The following TUSC3 variants were observed in gnomAD, a reference collection of about 807,000 sequenced individuals.
TUSC3 encodes tumor suppressor candidate 3, also known as dolichyl-diphosphooligosaccharide--protein glycosyltransferase subunit TUSC3.
In TUSC3, 45 loss-of-function variants were observed where a neutral mutation model predicts 44.8. The ratio of observed to expected loss-of-function variants is 1.00; its 90% CI spans 0.79 to 1.29. TUSC3 has a LOEUF of 1.29. Ranked by LOEUF, TUSC3 falls within the 50% of genes most tolerant of loss-of-function variation. The probability of loss-of-function intolerance (pLI) is 0.00; values close to 1 mark genes in which losing one functional copy is unlikely to be tolerated. For synonymous variants in TUSC3, 212 were observed against 152.9 expected (o/e 1.39, Z -2.85); for missense variants, 519 against 437.9 (o/e 1.19, Z -1.65).
chr8:15,434,530 C>CTTTTTTTTTTT (rs59579003), intron 1 of TUSC3, among the ~76,000 whole-genome samples: 3 of 135,682 alleles, frequency 2.2e-5, no homozygotes, highest in Non-Finnish European at 3.2e-5. Context: ...AAAGCCATTC[C>CTTTTTTTTTTT]TTTTTTTTTT....
intron 2 of TUSC3, among the ~76,000 whole-genome samples, chr8:15,512,002 T>C (rs1249733867): frequency 6.6e-6 from 1 of 152,120 alleles, no homozygotes; most frequent in African/African-American, 2.4e-5. Context: ...TGTTTAGAAA[T>C]TGACAAGCTG....
intron 1 of TUSC3, among the ~76,000 whole-genome samples, chr8:15,436,865 A>G: frequency 6.6e-6 from 1 of 152,190 alleles, no homozygotes; most frequent in South Asian, 2.1e-4. Context: ...AGTATAACCC[A>G]GGTATTTTGA....
intron 1 of TUSC3, among the ~76,000 whole-genome samples, chr8:15,568,553 T>C (rs1802756581): frequency 6.6e-6 from 1 of 152,148 alleles, no homozygotes; most frequent in Admixed American, 6.5e-5. Flanking sequence ...CATTTATAAC[T>C]TCTTTCAGCT....
intron 1 of TUSC3, among the ~76,000 whole-genome samples, chr8:15,422,621 A>G (rs974023056): frequency 6.6e-6 from 1 of 152,102 alleles, no homozygotes; most frequent in East Asian, 1.9e-4. Context: ...ATAGTAATGC[A>G]TCTAGTTTTT....
At chr8:15,442,857 C>T (rs1291356119) in intron 1 of TUSC3, among the ~76,000 whole-genome samples, 12 of 152,156 alleles carry the variant, frequency 7.9e-5, no homozygotes, top group Non-Finnish European at 1.8e-4. Flanking sequence ...GTGCATGGAG[C>T]CCAGTTGTAG....
chr8:15,759,566 C>T (rs947201294), intron 10 of TUSC3, among the ~76,000 whole-genome samples: 2 of 152,062 alleles, frequency 1.3e-5, no homozygotes, highest in Non-Finnish European at 2.9e-5. Flanking sequence ...AACAAACAAG[C>T]TTTTGATATA....
chr8:15,554,358 T>C (rs77805357), intron 1 of TUSC3, among the ~76,000 whole-genome samples: 2,677 of 151,772 alleles, frequency 0.018, 85 homozygotes, highest in African/African-American at 0.062. Flanking sequence ...TGCAGCACCA[T>C]TGCATGCTTT....
chr8:15,836,519 T>C, the TUSC3 span, among the ~76,000 whole-genome samples: 1 of 151,732 alleles, frequency 6.6e-6, no homozygotes, highest in African/African-American at 2.4e-5. Flanking sequence ...ACTAGACATA[T>C]ATAAAATACA....
intron 1 of TUSC3, among the ~76,000 whole-genome samples, chr8:15,597,749 A>C (rs1585138523): frequency 1.3e-5 from 2 of 152,082 alleles, no homozygotes; most frequent in African/African-American, 2.4e-5. Context: ...TAAGACATAT[A>C]CTTGAAAGCA....
intron 1 of TUSC3, among the ~76,000 whole-genome samples, chr8:15,581,369 G>A (rs879309703): frequency 3.1e-4 from 46 of 150,024 alleles, no homozygotes; most frequent in Non-Finnish European, 4.7e-4. Context: ...GAGGAACTGC[G>A]TTCCTTTGGA....
chr8:15,625,949 C>T (rs1490656647), intron 2 of TUSC3, among the ~76,000 whole-genome samples: 2 of 152,172 alleles, frequency 1.3e-5, no homozygotes, highest in Non-Finnish European at 2.9e-5. Context: ...ATTGGGCTAG[C>T]ACATAAGGAT....
At chr8:15,693,054 A>G (rs6530894) in intron 6 of TUSC3, among the ~76,000 whole-genome samples, 134,300 of 152,224 alleles carry the variant, frequency 0.88, 59,443 homozygotes, top group Non-Finnish European at 0.9. Context: ...ATGTCACTGC[A>G]TGTGAGATGG....
At chr8:15,618,725 G>T (rs896456377) in intron 1 of TUSC3, among the ~76,000 whole-genome samples, 1 of 152,110 alleles carries the variant, frequency 6.6e-6, no homozygotes. Flanking sequence ...GTTGTTTATC[G>T]TTATCAAGTA....
intron 6 of TUSC3, among the ~76,000 whole-genome samples, chr8:15,728,376 G>A (rs1274904946): frequency 1.3e-5 from 2 of 151,680 alleles, no homozygotes; most frequent in African/African-American, 4.9e-5. Flanking sequence ...CTTCCTGGTA[G>A]CGGTGAAAAG....
chr8:15,547,307 G>C (rs921381394), intron 1 of TUSC3, among the ~76,000 whole-genome samples: 1 of 151,466 alleles, frequency 6.6e-6, no homozygotes, highest in Admixed American at 6.6e-5. Context: ...ATTGTGATTT[G>C]ACTCAACTTT....
intron 2 of TUSC3, among the ~76,000 whole-genome samples, chr8:15,487,102 C>T (rs1800742602): frequency 6.6e-6 from 1 of 152,148 alleles, no homozygotes; most frequent in Admixed American, 6.5e-5. Flanking sequence ...AGTCATTCTT[C>T]ATTGCCTATT....
At chr8:15,434,285 G>A (rs1035830458) in intron 1 of TUSC3, among the ~76,000 whole-genome samples, 4 of 152,060 alleles carry the variant, frequency 2.6e-5, no homozygotes, top group African/African-American at 7.2e-5. Flanking sequence ...GTATTAACTG[G>A]CTGTTTGTCT....
chr8:15,425,905 C>G (rs1456212916), intron 1 of TUSC3, among the ~76,000 whole-genome samples: 1 of 152,128 alleles, frequency 6.6e-6, no homozygotes, highest in Non-Finnish European at 1.5e-5. Context: ...AATCTCAACA[C>G]TTTGGGAGGC....
At chr8:15,692,371 C>CTGTTTTT (rs1808946893) in intron 6 of TUSC3, among the ~76,000 whole-genome samples, 2 of 18,826 alleles carry the variant, frequency 1.1e-4, no homozygotes, top group African/African-American at 3.5e-4. Flanking sequence ...CCCCCCCCCC[C>CTGTTTTT]TTTGTTTTTT....
Sources: gnomAD v4.1 joint callset for allele counts (sites outside exome capture counted in the v4.1 genomes callset) on GRCh38, gnomAD v4.1.1 for gene constraint, MANE v1.5 for transcripts, NCBI Gene and HGNC (gene_info 2026-07-23, HGNC 2026-07-21) for gene names.